Variants in A2ML1 observed in about 807,000 individuals in gnomAD.
The protein encoded by A2ML1 is alpha-2-macroglobulin like 1.
A2ML1 carries 161 observed loss-of-function variants against 181.9 expected under a neutral mutation model. The observed-to-expected ratio is 0.89, with a 90% CI of 0.78 to 1.01. The LOEUF (loss-of-function observed/expected upper bound fraction) is 1.01. Among genes scored for constraint, A2ML1 ranks in the 50% least tolerant of loss-of-function variants. The probability of loss-of-function intolerance (pLI) is 0.00; values close to 1 mark genes in which losing one functional copy is unlikely to be tolerated. For synonymous variants in A2ML1, 663 were observed against 666.8 expected (o/e 0.99, Z 0.09); for missense variants, 1,670 against 1,768.1 (o/e 0.94, Z 1.00).
intron 25 of A2ML1, 124 bp from the exon 26 acceptor site, chr12:8,857,822 C>A: frequency 7.3e-7 from 1 of 1,371,582 alleles, no homozygotes; most frequent in Non-Finnish European, 1.0e-6. Flanking sequence ...CTTTTCTAGG[C>A]CTGCTATGGC....
intron 26 of A2ML1, chr12:8,858,305 G>A (rs1164594703): frequency 3.6e-6 from 2 of 554,582 alleles, no homozygotes; most frequent in African/African-American, 3.7e-5. Context: ...GATGAAGCCT[G>A]GGTGCAGTGG....
At position 8,863,998 on chromosome 12, in the gene A2ML1, C is replaced by A; in HGVS notation, c.3707C>A (p.Ser1236Tyr). The A allele has an allele frequency of 6.2e-7, 1 of 1,611,994 alleles. No homozygotes were observed. The highest frequency in any genetic ancestry group is 1.1e-5 in the South Asian group (1 of 90,826). Residue 1236 changes from serine to tyrosine, a missense_variant, in exon 29 of 36, where the codon TCT becomes TAT. By Grantham distance (144) the Ser-to-Tyr change is moderately radical. Coordinates refer to ENST00000299698, the MANE Select transcript of A2ML1 (RefSeq NM_144670.6). ...CAACACAATGCATATGGGGGCTTCT[C>A]TTCTACTCAGGTAAACAGCCTGTTC... ...AKQHNAYGGF[S>Y]STQDTVVALQ... is the part of the protein sequence containing the mutation.
At chr12:8,841,120 G>T (rs1167400444) in intron 10 of A2ML1, among the ~76,000 whole-genome samples, 1 of 152,052 alleles carries the variant, frequency 6.6e-6, no homozygotes, top group Non-Finnish European at 1.5e-5. Flanking sequence ...TTAGCCACCG[G>T]GCAAATCTAG....
chr12:8,884,789 C>T (rs747522302), intron 7 of A2ML1, among the ~76,000 whole-genome samples: 50 of 152,192 alleles, frequency 3.3e-4, no homozygotes, highest in Non-Finnish European at 5.4e-4. Context: ...TTTTCTGTTT[C>T]TGCATTAGTT....
intron 16 of A2ML1, 79 bp downstream of exon 16, chr12:8,848,993 G>A: frequency 6.8e-7 from 1 of 1,473,842 alleles, no homozygotes; most frequent in Non-Finnish European, 9.2e-7. Context: ...ATCTAAGAAA[G>A]CAGAGAGACT....
chr12:8,840,963 G>A (rs1167757835), intron 10 of A2ML1, among the ~76,000 whole-genome samples: 1 of 144,966 alleles, frequency 6.9e-6, no homozygotes, highest in African/African-American at 2.6e-5. Flanking sequence ...AGGAAGGAAG[G>A]AAAGAAGGAA....
Position 8,850,158 on chromosome 12 carries a change from A to G in A2ML1, c.2120-2A>G. 2 of 1,595,508 alleles carry G rather than the reference A, an allele frequency of 1.3e-6. No homozygotes were observed. The highest frequency in any genetic ancestry group is 1.7e-6 in the Non-Finnish European group (2 of 1,174,878). On this transcript the variant is annotated splice_acceptor_variant, in intron 17 of 35. Transcript: ENST00000299698. LOFTEE classifies it high-confidence loss of function. The stretch of plus-strand genomic sequence containing the variant: ...AAGTTTTCGTATTCTCAATTTCATC[A>G]GCAGGCGGTGGTCATCCAGAGGCTT...
In A2ML1 at chr12:8,841,373, G is replaced by A; in HGVS notation, c.1085G>A (p.Arg362Lys). The change falls in exon 11 of 36, where the codon AGA (arginine) becomes AAA (lysine). Residue 362 changes from arginine (R) to lysine (K), a missense_variant. By Grantham distance (26) the Arg-to-Lys change is conservative (BLOSUM62 2). Coordinates refer to ENST00000299698, the MANE Select transcript of A2ML1 (RefSeq NM_144670.6). Reference protein sequence around the residue: ...HPNFPFSGKIRVRGHDDSFLK... With the variant: ...HPNFPFSGKIKVRGHDDSFLK... ...GTAATGATCTTTGTCCTTCAGATAA[G>A]AGTTAGGGGCCATGATGACTCCTTC... 6.2e-7 allele frequency: 1 copy of A among 1,613,978 alleles called. No homozygotes were observed. Among genetic ancestry groups the A allele is most frequent in the Non-Finnish European group, 8.5e-7 (1 of 1,179,950 alleles).
intron 3 of A2ML1, among the ~76,000 whole-genome samples, chr12:8,826,763 TGA>T (rs1942943223): frequency 6.6e-6 from 1 of 152,004 alleles, no homozygotes; most frequent in Non-Finnish European, 1.5e-5. Context: ...GGTTTACAGG[TGA>T]GCGCCACCAC....
chr12:8,878,633 C>A (rs1944838190), downstream of A2ML1, among the ~76,000 whole-genome samples: 1 of 152,114 alleles, frequency 6.6e-6, no homozygotes, highest in Admixed American at 6.6e-5. This position sits in a 1 kb window ranked among gnomAD's most constrained non-coding sequence, Gnocchi z 4.4. Flanking sequence ...GCATATTTAC[C>A]CCCTGAATCT....
At chr12:8,863,533 A>T (rs1231070862) in intron 28 of A2ML1, among the ~76,000 whole-genome samples, 4 of 152,264 alleles carry the variant, frequency 2.6e-5, no homozygotes, top group Non-Finnish European at 5.9e-5. Context: ...ATCAAAACTG[A>T]TAAATTAACA....
intron 33 of A2ML1, among the ~76,000 whole-genome samples, chr12:8,869,577 CTTTT>C (rs574069966): frequency 2.0e-5 from 3 of 148,332 alleles, no homozygotes; most frequent in African/African-American, 7.4e-5. Context: ...TATCTACATT[CTTTT>C]TTTTTTTCTG....
Position 8,836,271 on chromosome 12 carries a change from G to A in A2ML1, c.660G>A (p.Lys220=), listed in dbSNP as rs1276152149. The A allele has an allele frequency of 1.7e-5, 27 of 1,613,950 alleles. No individual in the cohort carries two copies. The highest frequency in any genetic ancestry group is 2.2e-5 in the Non-Finnish European group (26 of 1,180,042). Residue 220 remains lysine, a synonymous_variant, in exon 7 of 36, where the codon AAG becomes AAA. Transcript: ENST00000299698. ...SVEEYVLPKF[K]VEVVEPKELS... The stretch of plus-strand genomic sequence containing the variant: ...TCTCTTCAGTGCTGCCGAAGTTTAA[G>A]GTGGAAGTGGTGGAACCCAAGGAGT...
At chr12:8,877,872 A>G (rs1944828366), downstream of A2ML1, among the ~76,000 whole-genome samples, 1 of 152,210 alleles carries the variant, frequency 6.6e-6, no homozygotes. Context: ...TACCAAAAGG[A>G]CACATGCACC....
Position 8,869,147 on chromosome 12 carries a change from C to A in A2ML1, c.4165C>A (p.Pro1389Thr), listed in dbSNP as rs1159296034. 1.2e-6 allele frequency: 2 copies of A among 1,613,934 alleles called. No individual in the cohort carries two copies. Among genetic ancestry groups the A allele is most frequent in the Non-Finnish European group, 1.7e-6 (2 of 1,180,014 alleles). The change falls in exon 33 of 36, where the codon CCC becomes ACC. Residue 1389 changes from proline to threonine, a missense_variant. Coordinates refer to ENST00000299698, the MANE Select transcript of A2ML1 (RefSeq NM_144670.6). ...EGTNQLLLQQ[P>T]LVKKVEFGTD... is the part of the protein sequence containing the mutation. Reference sequence around the variant, plus strand: ...CTCTCTTATTCAGCTTCTCCAGCAACCCCTGGTGAAGAAGGTTGAATTTGG... The same window carrying A: ...CTCTCTTATTCAGCTTCTCCAGCAAACCCTGGTGAAGAAGGTTGAATTTGG...
At chr12:8,867,269 G>T (rs1944453346) in intron 29 of A2ML1, among the ~76,000 whole-genome samples, 1 of 152,208 alleles carries the variant, frequency 6.6e-6, no homozygotes, top group East Asian at 1.9e-4. Context: ...TTCTGAAACT[G>T]TTGGTTTCTG....
intron 4 of A2ML1, among the ~76,000 whole-genome samples, chr12:8,832,138 A>C (rs1943137816): frequency 6.6e-6 from 1 of 152,044 alleles, no homozygotes; most frequent in Admixed American, 6.6e-5. Context: ...GGAGTCATAG[A>C]TGGTCAAAGT....
In A2ML1 at chr12:8,843,716, T is replaced by A. The variant is rs778178297; in HGVS notation, c.1476+355T>A. Among the ~76,000 whole-genome samples, 3 of 144,100 alleles carry A rather than the reference T, an allele frequency of 2.1e-5. No individual in the cohort carries two copies. In the East Asian group the frequency reaches 5.9e-4, roughly 28 times the overall value. 94.5% of individuals were successfully genotyped at this position (144,100 alleles called of 152,430 possible). A position where few individuals can be genotyped will look rare whatever the true frequency, so the allele number is the denominator to read the frequency against. ...ATTTCAAGTATTCAATATTCCTTTTTTTTTCTTTTTTTTTTTTTTTGAGAC... is the reference window on the plus strand; with the variant it reads ...ATTTCAAGTATTCAATATTCCTTTTATTTTCTTTTTTTTTTTTTTTGAGAC... On this transcript the variant is annotated intron_variant, in intron 12 of 35. Transcript: ENST00000299698.
chr12:8,834,074 A>G (rs1014174114), intron 4 of A2ML1, among the ~76,000 whole-genome samples: 3 of 151,620 alleles, frequency 2.0e-5, no homozygotes, highest in Non-Finnish European at 2.9e-5. Flanking sequence ...CCAGCTTTCA[A>G]TCTCATCTAG....
Sources: allele counts gnomAD v4.1 joint callset (sites outside exome capture counted in the v4.1 genomes callset), GRCh38; gene constraint gnomAD v4.1.1; non-coding constraint Gnocchi (gnomAD v3.1); transcripts MANE v1.5; gene names NCBI Gene and HGNC (gene_info 2026-07-23, HGNC 2026-07-21).